Variants in TTI1 observed in about 807,000 individuals in gnomAD.
The protein encoded by TTI1 is TELO2-interacting protein 1 homolog.
A neutral mutation model predicts 85.4 loss-of-function variants in TTI1; 52 were observed. The observed-to-expected ratio is 0.61, with a 90% confidence interval of 0.49 to 0.77. The LOEUF (loss-of-function observed/expected upper bound fraction) is 0.77. Among genes scored for constraint, TTI1 ranks in the 30% least tolerant of loss-of-function variants. The probability of loss-of-function intolerance (pLI) is 0.00; values close to 1 mark genes in which losing one functional copy is unlikely to be tolerated. For missense variants in TTI1, 1,173 were observed against 1,296.0 expected, an observed-to-expected ratio of 0.91 and a Z score of 1.46; for synonymous variants, 512 against 503.9, an observed-to-expected ratio of 1.02 and a Z score of -0.22.
chr20:38,005,948 T>A lies in TTI1; in HGVS notation c.2503+249A>T, dbSNP rs1600628298. On this transcript the variant is annotated intron_variant, in intron 3 of 7. Transcript: ENST00000373447. ...CTATTAAAACGTTAATGATCAAAAT[T>A]CAACGGCAATAAGCAGAGTTGCTTA... 7 of 452,558 alleles carry A rather than the reference T, an allele frequency of 1.5e-5. No homozygotes were observed. In the East Asian group the frequency reaches 3.2e-4, roughly 21 times the overall value. The allele number at this position is 452,558 out of a possible 1,614,324, so 28.0% of individuals were successfully genotyped here.
At chr20:37,990,316 T>A (rs2073245710) in intron 7 of TTI1, among the ~76,000 whole-genome samples, 1 of 152,242 alleles carries the variant, frequency 6.6e-6, no homozygotes, top group African/African-American at 2.4e-5. Flanking sequence ...TGACTTTTAC[T>A]CTGTGGTGGT....
rs1555795336 is a variant in TTI1 at position 38,017,435 on chromosome 20, T to TGC, written c.-41-3580_-41-3579dup. On this transcript the variant is annotated intron_variant, in intron 1 of 7. Coordinates refer to ENST00000373447, the MANE Select transcript of TTI1 (RefSeq NM_001303457.2). The stretch of plus-strand genomic sequence containing the variant: ...GTGTGTGTGTGTGTGTGTGTGTGTG[T>TGC]GCGCGCGCGCCTTTGGTGTGTGCGC... 6.3e-3 allele frequency among the ~76,000 whole-genome samples: 924 copies of TGC among 146,210 alleles called. 2 individuals are homozygous for TGC. Among genetic ancestry groups the TGC allele is most frequent in the Non-Finnish European group, 6.9e-3 (459 of 66,264 alleles).
intron 1 of TTI1, among the ~76,000 whole-genome samples, chr20:38,033,013 G>C (rs1030603009): frequency 6.6e-6 from 1 of 152,134 alleles, no homozygotes; most frequent in African/African-American, 2.4e-5. Context: ...ACCCACTTAA[G>C]AGCCGAGAGC....
Position 37,995,612 on chromosome 20 carries a change from T to A in TTI1, c.3086+763A>T, listed in dbSNP as rs17787237. ...TTCCAGGATGCAGGCTGCTCCCACC[T>A]GGAAGGAAAGCTTGGAGAAGAGGGG... On this transcript the variant is annotated intron_variant, in intron 7 of 7. Transcript: ENST00000373447. 7.4e-3 allele frequency among the ~76,000 whole-genome samples: 1,132 copies of A among 152,348 alleles called. 5 individuals carry two copies. The highest frequency in any genetic ancestry group is 0.011 in the Non-Finnish European group (779 of 68,026).
chr20:38,007,893 A>G (rs112707056), intron 2 of TTI1, among the ~76,000 whole-genome samples: 31 of 152,336 alleles, frequency 2.0e-4, no homozygotes, highest in African/African-American at 6.5e-4. Flanking sequence ...GTGCACTCTA[A>G]GGCACTGGTT....
chr20:37,985,065 A>ATT lies in TTI1; in HGVS notation c.3087-1428_3087-1427dup, dbSNP rs1013519023. On this transcript the variant is annotated intron_variant, in intron 7 of 7. Transcript: ENST00000373447. ...CACCACCAAGGAAGGAACAAGGAAG[A>ATT]TTATTAACAGGATTCAAATTATCAG... Among the ~76,000 whole-genome samples the ATT allele has an allele frequency of 6.6e-5, 10 of 152,356 alleles. No homozygotes were observed. In the East Asian group the frequency reaches 1.9e-3, roughly 29 times the overall value.
intron 7 of TTI1, among the ~76,000 whole-genome samples, chr20:37,985,535 T>A (rs1294582993): frequency 4.6e-5 from 7 of 151,630 alleles, no homozygotes. Flanking sequence ...CTGAATTTTT[T>A]TTTTTTTTTT....
intron 1 of TTI1, chr20:38,018,910 G>A (rs1175241911): frequency 6.6e-6 from 1 of 152,044 alleles, no homozygotes; most frequent in African/African-American, 2.4e-5. Context: ...AGCACTTTGA[G>A]AGGCTGCGGT....
At chr20:38,011,346 T>C (rs985069015) in intron 2 of TTI1, among the ~76,000 whole-genome samples, 169 bp downstream of exon 2, 1 of 152,108 alleles carries the variant, frequency 6.6e-6, no homozygotes, top group Non-Finnish European at 1.5e-5. Flanking sequence ...TTACTGAAAG[T>C]ATAAAAGATA....
chr20:37,999,492 A>G (rs1273055647), intron 4 of TTI1, among the ~76,000 whole-genome samples, 164 bp from the exon 5 acceptor site: 2 of 152,260 alleles, frequency 1.3e-5, no homozygotes, highest in African/African-American at 2.4e-5. Flanking sequence ...GGGGACACAC[A>G]GAGACAAAAT....
intron 1 of TTI1, among the ~76,000 whole-genome samples, chr20:38,020,322 A>AT (rs1568629002): frequency 0.012 from 927 of 75,578 alleles, 6 homozygotes; most frequent in Middle Eastern, 0.017. Flanking sequence ...AAAAAAAAAA[A>AT]AATATATATA....
rs773279735 is a variant in TTI1 at position 37,983,669 on chromosome 20, G to A, written c.3087-30C>T. On this transcript the variant is annotated intron_variant, in intron 7 of 7. Coordinates refer to ENST00000373447, the MANE Select transcript of TTI1 (RefSeq NM_001303457.2). ...GGAGAGATGGAAAGGAGTGAGTAGA[G>A]GGTACAGAGAGGGAAGGCGGGGAAT... 7.4e-6 allele frequency: 11 copies of A among 1,479,396 alleles called. No individual in the cohort carries two copies. In the Admixed American group the frequency reaches 2.2e-4, roughly 30 times the overall value. 91.6% of individuals were successfully genotyped at this position (1,479,396 alleles called of 1,614,324 possible).
chr20:37,996,304 T>C (rs2073336969), intron 7 of TTI1, 71 bp downstream of exon 7: 1 of 1,534,376 alleles, frequency 6.5e-7, no homozygotes, highest in Non-Finnish European at 9.0e-7. Context: ...GCCTCAACTC[T>C]GCTTGCCATT....
chr20:38,011,368 C>T, intron 2 of TTI1, 147 bp downstream of exon 2: 1 of 845,776 alleles, frequency 1.2e-6, no homozygotes, highest in Non-Finnish European at 1.8e-6. Flanking sequence ...ACAGTGAAAC[C>T]CCCCCATAAC....
intron 7 of TTI1, among the ~76,000 whole-genome samples, chr20:37,990,841 G>C (rs564697132): frequency 6.6e-6 from 1 of 152,146 alleles, no homozygotes; most frequent in South Asian, 2.1e-4. Context: ...CACACCCCAC[G>C]CTTGGCTTTC....
Position 38,013,354 on chromosome 20 carries a change from C to G in TTI1, c.463G>C (p.Val155Leu), listed in dbSNP as rs1410062635. The G allele has an allele frequency of 6.2e-7, 1 of 1,614,106 alleles. No homozygotes were observed. Residue 155 changes from valine (V) to leucine (L), a missense_variant, in exon 2 of 8, where the codon GTA (valine) becomes CTA (leucine). By Grantham distance (32) the Val-to-Leu change is conservative. Transcript: ENST00000373447. ...PSILPRLGFA[V>L]SLLLGLAEQE... Reference sequence around the variant, plus strand: ...TCTGCAAGGCCTAACAGTAAAGATACAGCAAATCCTAAACGTGGCAGAATG... The same window carrying G: ...TCTGCAAGGCCTAACAGTAAAGATAGAGCAAATCCTAAACGTGGCAGAATG...
intron 2 of TTI1, among the ~76,000 whole-genome samples, chr20:38,011,212 C>A (rs2073581395): frequency 6.6e-6 from 1 of 152,094 alleles, no homozygotes; most frequent in Non-Finnish European, 1.5e-5. Context: ...AATTGTGTGA[C>A]CCTGGCTAAG....
chr20:38,004,332 C>G (rs562155897), intron 3 of TTI1, among the ~76,000 whole-genome samples: 2 of 152,334 alleles, frequency 1.3e-5, no homozygotes, highest in African/African-American at 4.8e-5. Flanking sequence ...CAGCTGTGCT[C>G]ATTTCCACTG....
Position 38,013,339 on chromosome 20 carries a change from C to G in TTI1, c.478G>C (p.Gly160Arg). 6.2e-7 allele frequency: 1 copy of G among 1,614,026 alleles called. No homozygotes were observed. The highest frequency in any genetic ancestry group is 1.1e-5 in the South Asian group (1 of 91,088). Reference sequence around the variant, plus strand: ...TTTGATTTCTCCTGTTCTGCAAGGCCTAACAGTAAAGATACAGCAAATCCT... The same window carrying G: ...TTTGATTTCTCCTGTTCTGCAAGGCGTAACAGTAAAGATACAGCAAATCCT... ...RLGFAVSLLL[G>R]LAEQEKSKQI... Residue 160 changes from glycine to arginine, a missense_variant, in exon 2 of 8, where the codon GGC (glycine) becomes CGC (arginine). By Grantham distance (125) the Gly-to-Arg change is moderately radical. Coordinates refer to ENST00000373447, the MANE Select transcript of TTI1 (RefSeq NM_001303457.2).
Sources: allele counts gnomAD v4.1 joint callset (sites outside exome capture counted in the v4.1 genomes callset), GRCh38; gene constraint gnomAD v4.1.1; transcripts MANE v1.5; gene names NCBI Gene and HGNC (gene_info 2026-07-23, HGNC 2026-07-21).